Variants in ZNF18 observed in about 807,000 individuals in gnomAD.
ZNF18 encodes the protein zinc finger protein 18, also known as heart development-specific gene 1 protein.
A neutral mutation model predicts 58.1 loss-of-function variants in ZNF18; 42 were observed. That is an observed-to-expected ratio of 0.72 (90% CI 0.56 to 0.93). The LOEUF is 0.93. Among genes scored for constraint, ZNF18 ranks in the 40% least tolerant of loss-of-function variants. The pLI is 0.00. For synonymous variants in ZNF18, 231 were observed against 239.8 expected, an observed-to-expected ratio of 0.96 and a Z score of 0.34; for missense variants, 540 against 644.2, an observed-to-expected ratio of 0.84 and a Z score of 1.75.
chr17:11,990,386 G>T (rs117752767), intron 4 of ZNF18, 76 bp downstream of exon 4: 1 of 1,260,246 alleles, frequency 7.9e-7, no homozygotes. Context: ...ATGGAGAATG[G>T]GGTGAAGAGA....
chr17:12,011,141 G>A, the ZNF18 span: 4 of 607,500 alleles, frequency 6.6e-6, no homozygotes, highest in South Asian at 3.7e-5. Flanking sequence ...GCCTGTGCAC[G>A]GCCAAAGGAA....
chr17:11,984,519 T>G (rs1720495862), intron 4 of ZNF18, among the ~76,000 whole-genome samples: 1 of 43,736 alleles, frequency 2.3e-5, no homozygotes, highest in African/African-American at 6.1e-5. Context: ...TTATTTGGGT[T>G]TTTTTTTTTT....
At chr17:12,008,785 C>T in the ZNF18 span, among the ~76,000 whole-genome samples, 1 of 152,196 alleles carries the variant, frequency 6.6e-6, no homozygotes, top group Non-Finnish European at 1.5e-5. Flanking sequence ...CTGTGGCCTC[C>T]ACCAGATGGT....
At chr17:11,988,597 C>T (rs1967899420) in intron 4 of ZNF18, among the ~76,000 whole-genome samples, 1 of 152,168 alleles carries the variant, frequency 6.6e-6, no homozygotes, top group East Asian at 1.9e-4. Context: ...TTCGTATTTC[C>T]ACCAGGCAAA....
chr17:11,984,739 C>T (rs1457565294), intron 4 of ZNF18, among the ~76,000 whole-genome samples: 1 of 152,002 alleles, frequency 6.6e-6, no homozygotes, highest in Non-Finnish European at 1.5e-5. Flanking sequence ...GATCTCCTGA[C>T]CTTGTGATCT....
At chr17:12,021,308 G>T in the ZNF18 span, 1 of 190,876 alleles carries the variant, frequency 5.2e-6, no homozygotes, top group African/African-American at 2.3e-5. Flanking sequence ...CGTCCCCATC[G>T]CCCCCGCCGC....
the ZNF18 span, among the ~76,000 whole-genome samples, chr17:12,003,972 C>T: frequency 6.6e-6 from 1 of 152,238 alleles, no homozygotes; most frequent in Non-Finnish European, 1.5e-5. Context: ...GTGACTCACG[C>T]CTGTAATCCT....
chr17:11,990,167 GA>G (rs962448160), intron 4 of ZNF18, among the ~76,000 whole-genome samples: 15 of 151,910 alleles, frequency 9.9e-5, no homozygotes, highest in Non-Finnish European at 1.9e-4. Context: ...CATGAAATGT[GA>G]AAATGACTCC....
chr17:12,013,841 T>G, the ZNF18 span, among the ~76,000 whole-genome samples: 3 of 152,210 alleles, frequency 2.0e-5, no homozygotes, highest in Non-Finnish European at 4.4e-5. Flanking sequence ...CAGAATTTAG[T>G]TGCTGATATC....
the ZNF18 span, among the ~76,000 whole-genome samples, chr17:12,014,777 G>A: frequency 2.0e-5 from 3 of 152,278 alleles, no homozygotes; most frequent in South Asian, 2.1e-4. Context: ...TTGGCCGGGC[G>A]CGGTGGCTTA....
At chr17:11,998,502 T>C (rs1444195775), upstream of ZNF18, 1 of 151,916 alleles carries the variant, frequency 6.6e-6, no homozygotes, top group Admixed American at 6.6e-5. Flanking sequence ...GTCATTATCA[T>C]AACATGTCCT....
the ZNF18 span, among the ~76,000 whole-genome samples, chr17:12,008,380 T>G: frequency 1.3e-5 from 2 of 152,112 alleles, no homozygotes. Context: ...TTATTATTAT[T>G]CAGAGATGGG....
At chr17:11,990,695 C>A in intron 3 of ZNF18, 145 bp from the exon 4 acceptor site, 1 of 721,146 alleles carries the variant, frequency 1.4e-6, no homozygotes, top group Non-Finnish European at 2.3e-6. Flanking sequence ...GTGTTTATCT[C>A]CCTGACACAC....
chr17:12,003,116 T>C, the ZNF18 span, among the ~76,000 whole-genome samples: 1 of 152,212 alleles, frequency 6.6e-6, no homozygotes, highest in East Asian at 1.9e-4. Flanking sequence ...GGAGAAATAC[T>C]AACATACATC....
At chr17:12,010,080 G>A in the ZNF18 span, among the ~76,000 whole-genome samples, 5 of 151,854 alleles carry the variant, frequency 3.3e-5, no homozygotes, top group Non-Finnish European at 7.4e-5. Context: ...GAATAGATTA[G>A]AATAGACAGT....
chr17:12,011,157 C>T, the ZNF18 span: 2 of 594,206 alleles, frequency 3.4e-6, no homozygotes, highest in South Asian at 3.8e-5. Flanking sequence ...AGGAACAACT[C>T]CATGTTTTCT....
chr17:11,989,571 T>A (rs1396887420), intron 4 of ZNF18, among the ~76,000 whole-genome samples: 1 of 151,922 alleles, frequency 6.6e-6, no homozygotes, highest in African/African-American at 2.4e-5. Context: ...AGGTGAAAAA[T>A]TCATCTAAAA....
At chr17:11,989,091 G>A (rs554312961) in intron 4 of ZNF18, among the ~76,000 whole-genome samples, 4 of 151,976 alleles carry the variant, frequency 2.6e-5, no homozygotes, top group Admixed American at 2.0e-4. Context: ...CCAAGAAGTC[G>A]GAGGTTGTAG....
intron 4 of ZNF18, 78 bp downstream of exon 4, chr17:11,990,384 T>G: frequency 8.1e-7 from 1 of 1,240,760 alleles, no homozygotes; most frequent in Non-Finnish European, 1.1e-6. Context: ...GGATGGAGAA[T>G]GGGGTGAAGA....
Sources: gnomAD v4.1 joint callset for allele counts (sites outside exome capture counted in the v4.1 genomes callset) on GRCh38, gnomAD v4.1.1 for gene constraint, MANE v1.5 for transcripts, NCBI Gene and HGNC (gene_info 2026-07-23, HGNC 2026-07-21) for gene names.